Variants in ATF7IP2 observed in about 807,000 individuals in gnomAD.
ATF7IP2 encodes activating transcription factor 7 interacting protein 2.
Under a neutral mutation model 64.2 loss-of-function variants are expected in ATF7IP2, and 42 were observed. The ratio of observed to expected loss-of-function variants is 0.65; its 90% CI spans 0.51 to 0.85. The LOEUF (loss-of-function observed/expected upper bound fraction) is 0.85. ATF7IP2 is among the 40% of genes least tolerant of loss of function. The pLI is 0.00. For missense variants in ATF7IP2, 933 were observed against 784.2 expected (o/e 1.19, Z -2.27); for synonymous variants, 308 against 272.8 (o/e 1.13, Z -1.27).
At chr16:10,429,927 A>G (rs1567449725) in intron 4 of ATF7IP2, among the ~76,000 whole-genome samples, 1 of 151,012 alleles carries the variant, frequency 6.6e-6, no homozygotes, top group South Asian at 2.1e-4. Flanking sequence ...ATGTTGGCTC[A>G]CTGCAACCTC....
rs148373435 is a variant in ATF7IP2, at chr16:10,479,872, G to C, written c.1550-1007G>C. 4.4e-4 allele frequency among the ~76,000 whole-genome samples: 66 copies of C among 149,696 alleles called. No homozygotes were observed. The East Asian group carries it at 0.012, about 26-fold the overall frequency. ...CGAGGATGTGGAGAAATAGGAATGC[G>C]TTTACACTGTTGGTAGGAATGTAAA... On this transcript the variant is annotated intron_variant, in intron 12 of 13. Coordinates refer to ENST00000562102, the MANE Select transcript of ATF7IP2 (RefSeq NM_001393719.1).
intron 1 of ATF7IP2, among the ~76,000 whole-genome samples, chr16:10,392,336 GC>G (rs2141738195): frequency 6.7e-6 from 1 of 149,840 alleles, no homozygotes; most frequent in East Asian, 2.0e-4. Context: ...ACTGCGCCTG[GC>G]CTTTTTTTTT....
chr16:10,466,443 CACCA>C (rs1307321436), intron 9 of ATF7IP2, among the ~76,000 whole-genome samples: 1 of 152,056 alleles, frequency 6.6e-6, no homozygotes, highest in African/African-American at 2.4e-5. Context: ...GGTCTGATAC[CACCA>C]ACCAGTTTAC....
At chr16:10,391,857 C>G (rs1243879914) in intron 1 of ATF7IP2, among the ~76,000 whole-genome samples, 36 of 151,052 alleles carry the variant, frequency 2.4e-4, no homozygotes, top group Admixed American at 2.4e-3. Context: ...GATCGTGCCA[C>G]TGCCTTTCAG....
intron 8 of ATF7IP2, chr16:10,447,996 C>G (rs1449156798): frequency 2.0e-5 from 3 of 152,186 alleles, no homozygotes; most frequent in Non-Finnish European, 4.4e-5. Flanking sequence ...ATATGGCTAA[C>G]CAGGTTTCCC....
Position 10,393,291 on chromosome 16 carries a change from G to A in ATF7IP2, c.-242+7169G>A, listed in dbSNP as rs1431880596. ...CCTCAATGCCAGTGCACTCCAGGCT[G>A]GGTGACAGAGTGAGACTCTGTCTCA... On this transcript the variant is annotated intron_variant, in intron 1 of 13. Transcript: ENST00000562102. Among the ~76,000 whole-genome samples, 4 of 133,784 alleles carry A rather than the reference G, an allele frequency of 3.0e-5. No individual in the cohort carries two copies. The South Asian group carries it at 7.7e-4, about 26-fold the overall frequency. The allele number at this position is 133,784 out of a possible 152,430, so 87.8% of individuals were successfully genotyped here. A position where few individuals can be genotyped will look rare whatever the true frequency, so the allele number is the denominator to read the frequency against.
intron 9 of ATF7IP2, among the ~76,000 whole-genome samples, chr16:10,468,935 C>T (rs2049684553): frequency 6.6e-6 from 1 of 152,086 alleles, no homozygotes; most frequent in Non-Finnish European, 1.5e-5. Flanking sequence ...CTCAATTAGT[C>T]CCAGAGACTG....
At position 10,448,789 on chromosome 16, in the gene ATF7IP2, A is replaced by G. The variant is rs561608985; in HGVS notation, c.1194+8327A>G. ...TTTGACTTCCTCTCTTCTTATTTGA[A>G]TACCCCATATTTCTTTCTCTTGCCT... On this transcript the variant is annotated intron_variant, in intron 8 of 13. Transcript: ENST00000562102. 2.0e-5 allele frequency: 3 copies of G among 152,298 alleles called. No individual in the cohort carries two copies. The South Asian group carries it at 6.2e-4, about 32-fold the overall frequency. The allele number at this position is 152,298 out of a possible 1,614,324, so 9.4% of individuals were successfully genotyped here.
intron 1 of ATF7IP2, among the ~76,000 whole-genome samples, chr16:10,389,010 A>C (rs74820634): frequency 7.2e-6 from 1 of 139,152 alleles, no homozygotes; most frequent in Non-Finnish European, 1.5e-5. Flanking sequence ...AGACTGTCTC[A>C]AAAAAAAAAA....
rs760067606 is a variant in ATF7IP2, at chr16:10,482,463, G to A, written c.*214G>A. On this transcript the variant is annotated 3_prime_UTR_variant, in exon 14 of 14. Coordinates refer to ENST00000562102, the MANE Select transcript of ATF7IP2 (RefSeq NM_001393719.1). ...CCAATGGATAAGTTCTAAAACATAC[G>A]CTATCATTGGCCCATGTTGCTGAGG... 1.5e-4 allele frequency: 62 copies of A among 415,194 alleles called. No homozygotes were observed. The highest frequency in any genetic ancestry group is 2.4e-4 in the Non-Finnish European group (57 of 234,678). The allele number at this position is 415,194 out of a possible 1,614,324, so 25.7% of individuals were successfully genotyped here.
Position 10,425,312 on chromosome 16 carries a change from C to T in ATF7IP2, c.-159-3556C>T, listed in dbSNP as rs1461299317. On this transcript the variant is annotated intron_variant, in intron 3 of 13. Coordinates refer to ENST00000562102, the MANE Select transcript of ATF7IP2 (RefSeq NM_001393719.1). ...CTTGAACTCCTGACCTCAAGTGATC[C>T]ACCCGCCTCAGCCTCCTAAACTGCT... is the stretch of plus-strand genomic sequence containing the variant. Among the ~76,000 whole-genome samples the T allele has an allele frequency of 2.0e-5, 3 of 150,918 alleles. No individual in the cohort carries two copies. In the East Asian group the frequency reaches 5.9e-4, roughly 29 times the overall value.
At chr16:10,412,721 A>G (rs1264825967) in intron 1 of ATF7IP2, among the ~76,000 whole-genome samples, 3 of 152,060 alleles carry the variant, frequency 2.0e-5, no homozygotes, top group Admixed American at 2.0e-4. Context: ...TAAATCCATT[A>G]TTTCTTTGTT....
intron 3 of ATF7IP2, among the ~76,000 whole-genome samples, chr16:10,422,474 A>G (rs1205870661): frequency 1.3e-5 from 2 of 152,178 alleles, no homozygotes; most frequent in African/African-American, 2.4e-5. Context: ...CCATAAATTT[A>G]TAGGTATAGA....
chr16:10,405,844 C>CT (rs1441202144), intron 1 of ATF7IP2, among the ~76,000 whole-genome samples: 1 of 152,176 alleles, frequency 6.6e-6, no homozygotes, highest in Non-Finnish European at 1.5e-5. Context: ...TAACCCTTGA[C>CT]TTTCCTTCAA....
chr16:10,403,704 G>A (rs956120039), intron 1 of ATF7IP2, among the ~76,000 whole-genome samples: 2 of 152,066 alleles, frequency 1.3e-5, no homozygotes, highest in Middle Eastern at 3.2e-3. Context: ...CCCATACAAA[G>A]AAGTCAGAAA....
At chr16:10,435,496 G>A (rs2048391452) in intron 6 of ATF7IP2, among the ~76,000 whole-genome samples, 1 of 152,178 alleles carries the variant, frequency 6.6e-6, no homozygotes, top group South Asian at 2.1e-4. Flanking sequence ...ATTACCATTG[G>A]TAAAAACATT....
intron 12 of ATF7IP2, among the ~76,000 whole-genome samples, chr16:10,475,790 A>T (rs1199987837): frequency 1.3e-5 from 2 of 151,572 alleles, no homozygotes; most frequent in African/African-American, 4.8e-5. Context: ...AGGCAAAATG[A>T]TCAATTTAAA....
intron 1 of ATF7IP2, among the ~76,000 whole-genome samples, chr16:10,389,071 G>C (rs965950762): frequency 6.6e-6 from 1 of 151,962 alleles, no homozygotes; most frequent in Non-Finnish European, 1.5e-5. Flanking sequence ...TCTCGGGGCT[G>C]TTTTTTTGAG....
chr16:10,413,703 T>A (rs935922678), intron 1 of ATF7IP2, among the ~76,000 whole-genome samples: 3 of 152,246 alleles, frequency 2.0e-5, no homozygotes, highest in Non-Finnish European at 4.4e-5. Flanking sequence ...GAGCTCCTTA[T>A]AGCAGTTTTT....
Sources: gnomAD v4.1 joint callset for allele counts (sites outside exome capture counted in the v4.1 genomes callset) on GRCh38, gnomAD v4.1.1 for gene constraint, MANE v1.5 for transcripts, NCBI Gene and HGNC (gene_info 2026-07-23, HGNC 2026-07-21) for gene names.